RBFOX1: variants seen among roughly 807,000 people sequenced by gnomAD.
The protein encoded by RBFOX1 is RNA binding protein fox-1 homolog 1.
Under a neutral mutation model 57.7 loss-of-function variants are expected in RBFOX1, and 8 were observed. The observed-to-expected ratio is 0.14, with a 90% CI of 0.08 to 0.25. RBFOX1 has a LOEUF of 0.25. Among genes scored for constraint, RBFOX1 ranks in the 10% least tolerant of loss-of-function variants. RBFOX1 has a pLI of 1.00. For missense variants in RBFOX1, 611 were observed against 548.5 expected, an observed-to-expected ratio of 1.11 and a Z score of -1.14; for synonymous variants, 326 against 222.4, an observed-to-expected ratio of 1.47 and a Z score of -4.15.
chr16:7,187,211 A>T (rs1359629128), intron 4 of RBFOX1, among the ~76,000 whole-genome samples: 1 of 151,984 alleles, frequency 6.6e-6, no homozygotes, highest in African/African-American at 2.4e-5. Context: ...CTCTCTAGTC[A>T]TTTTGAAGTA....
At chr16:6,740,243 G>T (rs995577772) in intron 3 of RBFOX1, among the ~76,000 whole-genome samples, 3 of 152,054 alleles carry the variant, frequency 2.0e-5, no homozygotes, top group Non-Finnish European at 2.9e-5. Context: ...AAAAAAATAA[G>T]AATCGATAAC....
chr16:5,258,451 C>T (rs927701396), intron 1 of RBFOX1, among the ~76,000 whole-genome samples: 1 of 152,070 alleles, frequency 6.6e-6, no homozygotes, highest in Non-Finnish European at 1.5e-5. Flanking sequence ...ATCAAATTAC[C>T]AGTAATTCCT....
chr16:5,298,737 G>C (rs1166788044), intron 1 of RBFOX1, among the ~76,000 whole-genome samples: 2 of 19,094 alleles, frequency 1.0e-4, no homozygotes, highest in Admixed American at 5.7e-4. Flanking sequence ...TCTATGTAGA[G>C]TTTGATTCTT....
chr16:5,572,427 C>T (rs2046313500), intron 2 of RBFOX1, among the ~76,000 whole-genome samples: 1 of 152,166 alleles, frequency 6.6e-6, no homozygotes, highest in Non-Finnish European at 1.5e-5. Context: ...GCGCTGTTAA[C>T]ATTTTGGGTC....
At chr16:6,571,094 G>A (rs2097338442) in intron 2 of RBFOX1, among the ~76,000 whole-genome samples, 2 of 152,208 alleles carry the variant, frequency 1.3e-5, no homozygotes, top group Admixed American at 1.3e-4. Context: ...ATTCACATTT[G>A]CAAGTTTGTG....
intron 3 of RBFOX1, among the ~76,000 whole-genome samples, chr16:5,794,247 C>T (rs1287890215): frequency 6.6e-6 from 1 of 152,124 alleles, no homozygotes; most frequent in African/African-American, 2.4e-5. Flanking sequence ...TCCTTCTTCC[C>T]CTTTCTTTTT....
chr16:7,428,308 T>C (rs997781683), intron 4 of RBFOX1, among the ~76,000 whole-genome samples: 1 of 150,028 alleles, frequency 6.7e-6, no homozygotes, highest in African/African-American at 2.4e-5. Context: ...ATATTTGACC[T>C]ATGAGAATTA....
chr16:6,605,289 A>C (rs73538080), intron 2 of RBFOX1, among the ~76,000 whole-genome samples: 16,222 of 152,234 alleles, frequency 0.11, 944 homozygotes, highest in East Asian at 0.15. Flanking sequence ...AATAAAAAAT[A>C]GGCCAAATAG....
At chr16:5,895,457 C>G (rs1240770878) in intron 4 of RBFOX1, among the ~76,000 whole-genome samples, 3 of 152,212 alleles carry the variant, frequency 2.0e-5, no homozygotes, top group Non-Finnish European at 4.4e-5. Context: ...GTGTCACTGA[C>G]TGAAGAAGAA....
At chr16:7,134,169 AT>A (rs1222961453) in intron 4 of RBFOX1, among the ~76,000 whole-genome samples, 3 of 152,128 alleles carry the variant, frequency 2.0e-5, no homozygotes, top group African/African-American at 7.2e-5. Context: ...GGTGTAATGC[AT>A]TTTTGAGGTT....
rs12934366 is a variant in RBFOX1, at chr16:6,678,473, G to A, written c.-16+23823G>A. 7.9e-5 allele frequency among the ~76,000 whole-genome samples: 12 copies of A among 151,654 alleles called. No homozygotes were observed. The South Asian group carries it at 1.0e-3, about 13-fold the overall frequency. On this transcript the variant is annotated intron_variant, in intron 3 of 15. Coordinates refer to ENST00000550418, the MANE Select transcript of RBFOX1 (RefSeq NM_018723.4). ...TGTTTAGGTGTGTGTATCTGTGTGC[G>A]TGTATGGGTCCTAAACCTTCAAAAT...
intron 3 of RBFOX1, among the ~76,000 whole-genome samples, chr16:6,835,278 G>T (rs183100108): frequency 2.0e-5 from 3 of 152,094 alleles, no homozygotes; most frequent in Non-Finnish European, 2.9e-5. Flanking sequence ...TGCTATGCGG[G>T]TTCCCTTTCT....
At chr16:6,303,506 G>A (rs1430674171) in intron 1 of RBFOX1, among the ~76,000 whole-genome samples, 1 of 152,108 alleles carries the variant, frequency 6.6e-6, no homozygotes, top group Non-Finnish European at 1.5e-5. Flanking sequence ...AAATAAAGCA[G>A]TAGTCTGAGT....
chr16:6,947,200 C>G (rs541815820), intron 3 of RBFOX1, among the ~76,000 whole-genome samples: 3 of 152,142 alleles, frequency 2.0e-5, no homozygotes, highest in Non-Finnish European at 4.4e-5. Context: ...GTGAAGGATG[C>G]AGTTTATGGC....
At chr16:6,272,881 GA>G (rs2075353801) in intron 1 of RBFOX1, among the ~76,000 whole-genome samples, 2 of 152,102 alleles carry the variant, frequency 1.3e-5, no homozygotes, top group South Asian at 4.1e-4. Context: ...GGGAATTCTT[GA>G]CCAAAATTTT....
intron 3 of RBFOX1, among the ~76,000 whole-genome samples, chr16:6,712,185 T>C (rs1417141978): frequency 6.6e-6 from 1 of 152,174 alleles, no homozygotes; most frequent in East Asian, 1.9e-4. Context: ...ATCATCATTA[T>C]TTACTATCAG....
chr16:6,022,467 G>C (rs1365849484), intron 1 of RBFOX1, among the ~76,000 whole-genome samples: 1 of 152,070 alleles, frequency 6.6e-6, no homozygotes, highest in South Asian at 2.1e-4. Context: ...TATTGCTTGA[G>C]TCCAGGAGTT....
intron 14 of RBFOX1, among the ~76,000 whole-genome samples, chr16:7,690,672 T>C (rs2077119616): frequency 1.3e-4 from 1 of 7,480 alleles, no homozygotes; most frequent in Admixed American, 3.8e-3. Context: ...TTCTGATCTT[T>C]TAATTTTTCT....
chr16:7,300,510 C>A (rs1022957361), intron 4 of RBFOX1, among the ~76,000 whole-genome samples: 1 of 152,216 alleles, frequency 6.6e-6, no homozygotes, highest in Admixed American at 6.5e-5. Context: ...CTTGACGTTG[C>A]CACTGAGCTA....
Sources: gnomAD v4.1 joint callset for allele counts (sites outside exome capture counted in the v4.1 genomes callset) on GRCh38, gnomAD v4.1.1 for gene constraint, MANE v1.5 for transcripts, NCBI Gene and HGNC (gene_info 2026-07-23, HGNC 2026-07-21) for gene names.